Variants in THBS4 observed in about 807,000 individuals in gnomAD.
THBS4 encodes the protein thrombospondin 4, also known as thrombospondin-4.
In THBS4, 90 loss-of-function variants were observed where a neutral mutation model predicts 115.7. That is an observed-to-expected ratio of 0.78 (90% CI 0.66 to 0.93). The LOEUF is 0.93. Among genes scored for constraint, THBS4 ranks in the 40% least tolerant of loss-of-function variants. The probability of loss-of-function intolerance (pLI) is 0.00; values close to 1 mark genes in which losing one functional copy is unlikely to be tolerated. For missense variants in THBS4, 1,087 were observed against 1,232.7 expected (o/e 0.88, Z 1.77); for synonymous variants, 460 against 479.3 (o/e 0.96, Z 0.53).
At chr5:80,060,614 C>G (rs1197425532) in intron 7 of THBS4, among the ~76,000 whole-genome samples, 2 of 152,092 alleles carry the variant, frequency 1.3e-5, no homozygotes, top group Non-Finnish European at 2.9e-5. Context: ...ATGATAATTA[C>G]TGGGGCATGG....
At chr5:80,028,461 T>C (rs1028242228) in intron 2 of THBS4, among the ~76,000 whole-genome samples, 4 of 151,996 alleles carry the variant, frequency 2.6e-5, no homozygotes, top group Non-Finnish European at 5.9e-5. Context: ...CTTTTTTTTT[T>C]TGGTTTGTTT....
intron 2 of THBS4, among the ~76,000 whole-genome samples, chr5:80,044,757 T>A (rs959159198): frequency 6.6e-6 from 1 of 152,002 alleles, no homozygotes; most frequent in Non-Finnish European, 1.5e-5. Flanking sequence ...TGAATAAATA[T>A]TGAAGGGCTT....
rs761208787 is a variant in THBS4, at chr5:80,059,784, G to A, written c.866G>A (p.Arg289Gln). The A allele has an allele frequency of 8.1e-6, 13 of 1,614,038 alleles. 1 individual carries two copies. The highest frequency in any genetic ancestry group is 6.7e-5 in the Admixed American group (4 of 60,004). Residue 289 changes from arginine (R) to glutamine (Q), a missense_variant, in exon 7 of 22, where the codon CGG becomes CAG. Coordinates refer to ENST00000350881, the MANE Select transcript of THBS4 (RefSeq NM_003248.6). ...PPAPPTRPPR[R>Q]CDSNPCFRGV... Reference sequence around the variant, plus strand: ...GCACCGCCAACACGCCCACCTCGTCGGTGTGACTCCAACCCATGTTTCCGA... The same window carrying A: ...GCACCGCCAACACGCCCACCTCGTCAGTGTGACTCCAACCCATGTTTCCGA...
At chr5:80,069,105 C>T (rs1043624218) in intron 10 of THBS4, among the ~76,000 whole-genome samples, 18 of 152,218 alleles carry the variant, frequency 1.2e-4, no homozygotes, top group Admixed American at 2.6e-4. Context: ...GGCCCTCGGC[C>T]GGTGGCCCGT....
chr5:79,997,029 AG>A (rs1831807318), intron 1 of THBS4, among the ~76,000 whole-genome samples: 1 of 141,268 alleles, frequency 7.1e-6, no homozygotes, highest in East Asian at 2.0e-4. Flanking sequence ...AAATCAAAAT[AG>A]TTTTTTTTTT....
At chr5:80,067,697 C>T (rs529469770) in intron 9 of THBS4, 33 of 307,516 alleles carry the variant, frequency 1.1e-4, no homozygotes, top group Non-Finnish European at 1.7e-4. Context: ...TCCACGGTGG[C>T]GCGGGCAACT....
chr5:80,025,035 G>A (rs1347816204), intron 2 of THBS4, among the ~76,000 whole-genome samples: 4 of 152,022 alleles, frequency 2.6e-5, no homozygotes, highest in Admixed American at 6.6e-5. Context: ...TGAAAAAATT[G>A]GTGCGTTATA....
chr5:80,060,998 C>T (rs1833613506), intron 7 of THBS4, among the ~76,000 whole-genome samples: 1 of 152,150 alleles, frequency 6.6e-6, no homozygotes, highest in South Asian at 2.1e-4. Context: ...ATTACCTTCG[C>T]TAGTAGTAAG....
At position 80,072,175 on chromosome 5, in the gene THBS4, C is replaced by T. The variant is rs1834084793; in HGVS notation, c.1721-103C>T. 9.0e-6 allele frequency: 9 copies of T among 998,342 alleles called. No homozygotes were observed. The Admixed American group carries it at 1.4e-4, about 15-fold the overall frequency. The allele number at this position is 998,342 out of a possible 1,614,324, so 61.8% of individuals were successfully genotyped here. Reference sequence around the variant, plus strand: ...GCAGAAAAGGGTAGTCTCTGTGTGACACTGGCCCAGGCAGAAGTGACTCAC... The same window carrying T: ...GCAGAAAAGGGTAGTCTCTGTGTGATACTGGCCCAGGCAGAAGTGACTCAC... On this transcript the variant is annotated intron_variant, in intron 13 of 21. Transcript: ENST00000350881.
rs116439502 is a variant in THBS4, at chr5:80,012,967, C to T, written n.177+14540C>T. Among the ~76,000 whole-genome samples, 817 of 152,312 alleles carry T rather than the reference C, an allele frequency of 5.4e-3. 7 individuals are homozygous for T. Among genetic ancestry groups the T allele is most frequent in the African/African-American group, 0.019 (778 of 41,566 alleles). ...TTGACTCTGCTAGACATCCTCTCTC[C>T]TCTCCCCTGTGCCCTCATCCCCATC... On this transcript the variant is annotated intron_variant and non_coding_transcript_variant, in intron 2 of 3. Coordinates refer to the THBS4 transcript ENST00000510218.
intron 15 of THBS4, chr5:80,076,155 C>A (rs1184097379): frequency 6.6e-6 from 1 of 152,218 alleles, no homozygotes; most frequent in Non-Finnish European, 1.5e-5. Flanking sequence ...GTCCTTTAGA[C>A]CAGCACTGAG....
chr5:80,082,975 G>T (rs1743598774), intron 21 of THBS4, 105 bp from the exon 22 acceptor site: 2 of 852,200 alleles, frequency 2.3e-6, no homozygotes, highest in Non-Finnish European at 3.5e-6. Flanking sequence ...GGCGTCCTGG[G>T]CGGGCTAACA....
At chr5:79,995,798 AAAT>A (rs1831780315) in intron 1 of THBS4, among the ~76,000 whole-genome samples, 1 of 151,338 alleles carries the variant, frequency 6.6e-6, no homozygotes, top group African/African-American at 2.4e-5. Context: ...ATTAGAAAAA[AAAT>A]AAAAGTGCCT....
rs748441977 is a variant in THBS4 at position 80,078,049 on chromosome 5, G to A, written c.2087G>A (p.Ser696Asn). ...VPNPAQEDSN[S>N]DGVGDICESD... ...CCTGTCCTTTCTCCACCCCACTCAG[G>A]CGACGGAGTGGGAGACATCTGTGAG... The change falls in exon 17 of 22, where the codon AGC becomes AAC. Residue 696 changes from serine to asparagine, a missense_variant and splice_region_variant. Coordinates refer to ENST00000350881, the MANE Select transcript of THBS4 (RefSeq NM_003248.6). 1.6e-5 allele frequency: 25 copies of A among 1,573,992 alleles called. No individual in the cohort carries two copies. Among genetic ancestry groups the A allele is most frequent in the Non-Finnish European group, 2.2e-5 (25 of 1,153,032 alleles).
At chr5:80,037,325 A>T (rs956769872) in intron 1 of THBS4, among the ~76,000 whole-genome samples, 1 of 152,128 alleles carries the variant, frequency 6.6e-6, no homozygotes, top group Non-Finnish European at 1.5e-5. Flanking sequence ...TTATTGCATT[A>T]TCTAGTCTGC....
At chr5:80,058,594 C>T in intron 4 of THBS4, 114 bp from the exon 5 acceptor site, 1 of 910,054 alleles carries the variant, frequency 1.1e-6, no homozygotes, top group South Asian at 1.5e-5. Flanking sequence ...TTCAAAGATT[C>T]TGGGTTTTTG....
Position 80,067,963 on chromosome 5 carries a change from T to C in THBS4, c.1195-10T>C. The C allele has an allele frequency of 6.2e-7, 1 of 1,613,582 alleles. No individual in the cohort carries two copies. The highest frequency in any genetic ancestry group is 1.3e-5 in the African/African-American group (1 of 75,034). On this transcript the variant is annotated splice_polypyrimidine_tract_variant and intron_variant, in intron 9 of 21. Coordinates refer to ENST00000350881, the MANE Select transcript of THBS4 (RefSeq NM_003248.6). ...CTTTCAGCTCATCACCTGATCTTTG[T>C]TCCTTGCAGGGATCTTACCGCTGTG...
At chr5:80,047,305 A>G (rs1463632567) in intron 2 of THBS4, among the ~76,000 whole-genome samples, 2 of 152,214 alleles carry the variant, frequency 1.3e-5, no homozygotes, top group Non-Finnish European at 2.9e-5. Flanking sequence ...CACATTTCAC[A>G]AGGACACTGT....
At chr5:80,011,852 A>G (rs1832132371) in intron 2 of THBS4, among the ~76,000 whole-genome samples, 1 of 151,440 alleles carries the variant, frequency 6.6e-6, no homozygotes, top group Non-Finnish European at 1.5e-5. Flanking sequence ...AAGATAAAAT[A>G]TGCTGAGAAA....
Sources: gnomAD v4.1 joint callset for allele counts (sites outside exome capture counted in the v4.1 genomes callset) on GRCh38, gnomAD v4.1.1 for gene constraint, MANE v1.5 for transcripts, NCBI Gene and HGNC (gene_info 2026-07-23, HGNC 2026-07-21) for gene names.